The following ANGPTL4 variants were observed in gnomAD, a reference collection of about 807,000 sequenced individuals.
ANGPTL4 encodes angiopoietin like 4, also known as angiopoietin-related protein 4.
Under a neutral mutation model 39.2 loss-of-function variants are expected in ANGPTL4, and 39 were observed. The ratio of observed to expected loss-of-function variants is 1.00; its 90% CI spans 0.77 to 1.30. ANGPTL4 has a LOEUF of 1.30. Ranked by LOEUF, ANGPTL4 falls within the 50% of genes most tolerant of loss-of-function variation. The probability of loss-of-function intolerance (pLI) is 0.00; values close to 1 mark genes in which losing one functional copy is unlikely to be tolerated. For synonymous variants in ANGPTL4, 233 were observed against 229.5 expected (o/e 1.02, Z -0.14); for missense variants, 545 against 549.8 (o/e 0.99, Z 0.09).
intron 3 of ANGPTL4, among the ~76,000 whole-genome samples, chr19:8,368,718 C>T (rs116808569): frequency 1.3e-5 from 2 of 152,154 alleles, no homozygotes; most frequent in African/African-American, 2.4e-5. Flanking sequence ...ACTAGTCGGG[C>T]GTGGTGGCAC....
At chr19:8,372,867 G>GA (rs1971151386) in intron 6 of ANGPTL4, among the ~76,000 whole-genome samples, 1 of 152,108 alleles carries the variant, frequency 6.6e-6, no homozygotes, top group Non-Finnish European at 1.5e-5. Context: ...CCAGGTACAA[G>GA]AATCACTTGA....
rs1280190987 is a variant in ANGPTL4, at chr19:8,371,233, C to G, written c.758-8C>G. ...CCCTGCCTCATGGAGTGGCCTCTCC[C>G]ACTCCAGGCGAGTTCTGGCTGGGTC... is the stretch of plus-strand genomic sequence containing the variant. On this transcript the variant is annotated splice_region_variant and splice_polypyrimidine_tract_variant and intron_variant, in intron 5 of 6. Transcript: ENST00000301455. This position sits in a 1 kb window ranked among gnomAD's most constrained non-coding sequence, Gnocchi z 5.1. 6.2e-6 allele frequency: 10 copies of G among 1,613,978 alleles called. No individual in the cohort carries two copies. The highest frequency in any genetic ancestry group is 1.7e-5 in the Admixed American group (1 of 59,998).
At position 8,371,305 on chromosome 19, in the gene ANGPTL4, C is replaced by A. The variant is rs138211096; in HGVS notation, c.822C>A (p.Ala274=). Reference sequence around the variant, plus strand: ...CGGGGGACCGCAACAGCCGCCTGGCCGTGCAGCTGCGGGACTGGGATGGCA... The same window carrying A: ...CGGGGGACCGCAACAGCCGCCTGGCAGTGCAGCTGCGGGACTGGGATGGCA... ...SITGDRNSRL[A]VQLRDWDGNA... Residue 274 remains alanine, a synonymous_variant, in exon 6 of 7, where the codon GCC becomes GCA. Transcript: ENST00000301455. This position sits in a 1 kb window ranked among gnomAD's most constrained non-coding sequence, Gnocchi z 5.1. 1.2e-6 allele frequency: 2 copies of A among 1,613,892 alleles called. No homozygotes were observed. The highest frequency in any genetic ancestry group is 1.7e-6 in the Non-Finnish European group (2 of 1,180,032).
Position 8,369,253 on chromosome 19 carries a change from T to C in ANGPTL4, c.582T>C (p.Val194=), listed in dbSNP as rs1412403508. The change falls in exon 4 of 7, where the codon GTT becomes GTC. Residue 194 remains valine, a synonymous_variant. Transcript: ENST00000301455. ...GGGATTGCCAGGAGCTGTTCCAGGT[T>C]GGGGAGAGGCAGAGTGGACTATTTG... The part of the protein sequence containing the change: ...LPRDCQELFQ[V]GERQSGLFEI... 1.9e-6 allele frequency: 3 copies of C among 1,612,052 alleles called. No homozygotes were observed. The highest frequency in any genetic ancestry group is 1.7e-6 in the Non-Finnish European group (2 of 1,179,824).
At position 8,374,262 on chromosome 19, in the gene ANGPTL4, C is replaced by T. The variant is rs1336918775; in HGVS notation, c.*376C>T. ...AGGGCTTGTGTGGGTCGAGAGCGCCCTCATGGTGCTGGTGCTGTTGTGTGT... is the reference window on the plus strand; with the variant it reads ...AGGGCTTGTGTGGGTCGAGAGCGCCTTCATGGTGCTGGTGCTGTTGTGTGT... On this transcript the variant is annotated 3_prime_UTR_variant, in exon 7 of 7. Transcript: ENST00000301455. The T allele has an allele frequency of 3.4e-6, 1 of 297,358 alleles. No homozygotes were observed. Among genetic ancestry groups the T allele is most frequent in the Non-Finnish European group, 6.6e-6 (1 of 152,422 alleles). 18.4% of individuals were successfully genotyped at this position (297,358 alleles called of 1,614,324 possible). A position where few individuals can be genotyped will look rare whatever the true frequency, so the allele number is the denominator to read the frequency against.
At position 8,364,271 on chromosome 19, in the gene ANGPTL4, C is replaced by A; in HGVS notation, c.-51C>A. The A allele has an allele frequency of 6.6e-7, 1 of 1,512,000 alleles. No homozygotes were observed. Among genetic ancestry groups the A allele is most frequent in the Middle Eastern group, 2.3e-4 (1 of 4,264 alleles). The allele number at this position is 1,512,000 out of a possible 1,614,324, so 93.7% of individuals were successfully genotyped here. ...CGTCTCCAGTCCTCGCACCTGGAAC[C>A]CCAACGTCCCCGAGAGTCCCCGAAT... On this transcript the variant is annotated 5_prime_UTR_variant, in exon 1 of 7. Coordinates refer to ENST00000301455, the MANE Select transcript of ANGPTL4 (RefSeq NM_139314.3).
Position 8,364,424 on chromosome 19 carries a change from T to A in ANGPTL4, c.103T>A (p.Phe35Ile), listed in dbSNP as rs1970953946. Residue 35 changes from phenylalanine to isoleucine, a missense_variant, in exon 1 of 7, where the codon TTT becomes ATT. Physicochemically the swap from Phe to Ile is conservative, Grantham distance 21. Coordinates refer to ENST00000301455, the MANE Select transcript of ANGPTL4 (RefSeq NM_139314.3). ...ACCCGTGCAGTCCAAGTCGCCGCGC[T>A]TTGCGTCCTGGGACGAGATGAATGT... The part of the protein sequence containing the change: ...GGPVQSKSPR[F>I]ASWDEMNVLA... The A allele has an allele frequency of 6.4e-7, 1 of 1,550,772 alleles. No homozygotes were observed. Among genetic ancestry groups the A allele is most frequent in the East Asian group, 2.4e-5 (1 of 41,710 alleles).
chr19:8,364,724 G>A, intron 1 of ANGPTL4, 85 bp downstream of exon 1: 2 of 1,498,226 alleles, frequency 1.3e-6, no homozygotes, highest in Non-Finnish European at 9.1e-7. Flanking sequence ...GCGTGGGGGC[G>A]GGGTGCGCAA....
rs1210427599 is a variant in ANGPTL4 at position 8,369,209 on chromosome 19, C to T, written c.548-10C>T. 1.9e-6 allele frequency: 3 copies of T among 1,605,918 alleles called. No homozygotes were observed. The South Asian group carries it at 3.4e-5, about 18-fold the overall frequency. ...CTCCTGTTTCAAGTCTCCACTTTATCTCCCTTCAGGGCTGCCCAGGGATTG... is the reference window on the plus strand; with the variant it reads ...CTCCTGTTTCAAGTCTCCACTTTATTTCCCTTCAGGGCTGCCCAGGGATTG... On this transcript the variant is annotated splice_polypyrimidine_tract_variant and intron_variant, in intron 3 of 6. Transcript: ENST00000301455.
At position 8,374,039 on chromosome 19, in the gene ANGPTL4, C is replaced by G; in HGVS notation, c.*153C>G. The G allele has an allele frequency of 2.5e-6, 2 of 795,700 alleles. No individual in the cohort carries two copies. Among genetic ancestry groups the G allele is most frequent in the Non-Finnish European group, 2.0e-6 (1 of 494,882 alleles). 49.3% of individuals were successfully genotyped at this position (795,700 alleles called of 1,614,324 possible). ...AGAAGACCACGACTGGAGAAGCCCCCTTTCTGAGTGCAGGGGGGCTGCATG... is the reference window on the plus strand; with the variant it reads ...AGAAGACCACGACTGGAGAAGCCCCGTTTCTGAGTGCAGGGGGGCTGCATG... On this transcript the variant is annotated 3_prime_UTR_variant, in exon 7 of 7. Transcript: ENST00000301455.
Position 8,374,098 on chromosome 19 carries a change from C to G in ANGPTL4, c.*212C>G, listed in dbSNP as rs1188179436. 1.7e-6 allele frequency: 1 copy of G among 590,476 alleles called. No homozygotes were observed. Among genetic ancestry groups the G allele is most frequent in the African/African-American group, 1.9e-5 (1 of 53,530 alleles). The allele number at this position is 590,476 out of a possible 1,614,324, so 36.6% of individuals were successfully genotyped here. On this transcript the variant is annotated 3_prime_UTR_variant, in exon 7 of 7. Transcript: ENST00000301455. ...CCTGAGATCGAGGCTGCAGGATATG[C>G]TCAGACTCTAGAGGCGTGGACCAAG...
chr19:8,369,411 CA>C, intron 4 of ANGPTL4, 79 bp downstream of exon 4: 1 of 1,061,424 alleles, frequency 9.4e-7, no homozygotes, highest in Non-Finnish European at 1.4e-6. Context: ...CAAAACAAAA[CA>C]AAAAAATTAA....
intron 3 of ANGPTL4, among the ~76,000 whole-genome samples, chr19:8,366,995 G>A (rs1188340048): frequency 1.3e-5 from 2 of 151,208 alleles, no homozygotes; most frequent in African/African-American, 2.4e-5. Context: ...ACGTGTGTCC[G>A]ATGCAGACTC....
chr19:8,368,017 ATCAAG>A, intron 3 of ANGPTL4, among the ~76,000 whole-genome samples: 1 of 96,912 alleles, frequency 1.0e-5, no homozygotes, highest in Non-Finnish European at 2.1e-5. Context: ...TTATTCATTT[ATCAAG>A]TCTTTTTTTT....
chr19:8,365,116 C>A (rs1236563079), intron 1 of ANGPTL4, among the ~76,000 whole-genome samples: 1 of 150,766 alleles, frequency 6.6e-6, no homozygotes, highest in Non-Finnish European at 1.5e-5. Context: ...TTGCAGTGAG[C>A]CGAGATCGCA....
chr19:8,369,654 A>G lies in ANGPTL4; in HGVS notation c.661+322A>G, dbSNP rs553574877. Among the ~76,000 whole-genome samples the G allele has an allele frequency of 8.7e-4, 132 of 151,916 alleles. 2 individuals are homozygous for G. In the South Asian group the frequency reaches 0.027, roughly 31 times the overall value. On this transcript the variant is annotated intron_variant, in intron 4 of 6. Coordinates refer to ENST00000301455, the MANE Select transcript of ANGPTL4 (RefSeq NM_139314.3). ...TTTTTAGTAGAGACTGGGTTTCACCATGTTGGTCTGGCTGGTCTCAAACTC... is the reference window on the plus strand; with the variant it reads ...TTTTTAGTAGAGACTGGGTTTCACCGTGTTGGTCTGGCTGGTCTCAAACTC...
At chr19:8,365,830 GAAAA>G in intron 1 of ANGPTL4, 120 bp from the exon 2 acceptor site, 1 of 787,776 alleles carries the variant, frequency 1.3e-6, no homozygotes, top group Non-Finnish European at 2.2e-6. Flanking sequence ...GGAAAAAAAA[GAAAA>G]AAGAAAGACT....
At chr19:8,370,466 A>G (rs973030326) in intron 4 of ANGPTL4, among the ~76,000 whole-genome samples, 2 of 152,024 alleles carry the variant, frequency 1.3e-5, no homozygotes, top group African/African-American at 4.8e-5. Flanking sequence ...AAATGCCAGC[A>G]CTTTGGGAGG....
In ANGPTL4 at chr19:8,371,748, T is replaced by A. The variant is rs573715358; in HGVS notation, c.1039+226T>A. On this transcript the variant is annotated intron_variant, in intron 6 of 6. Transcript: ENST00000301455. This position sits in a 1 kb window ranked among gnomAD's most constrained non-coding sequence, Gnocchi z 5.1. ...TTTTATTTACTTATGTGTTTGTTTA[T>A]TTATTTATTTATGTATTTATTTTTT... 7.0e-6 allele frequency among the ~76,000 whole-genome samples: 1 copy of A among 143,866 alleles called. No individual in the cohort carries two copies. Among genetic ancestry groups the A allele is most frequent in the African/African-American group, 2.6e-5 (1 of 38,398 alleles). The allele number at this position is 143,866 out of a possible 152,430, so 94.4% of individuals were successfully genotyped here.
Sources: allele counts gnomAD v4.1 joint callset (sites outside exome capture counted in the v4.1 genomes callset), GRCh38; gene constraint gnomAD v4.1.1; non-coding constraint Gnocchi (gnomAD v3.1); transcripts MANE v1.5; gene names NCBI Gene and HGNC (gene_info 2026-07-23, HGNC 2026-07-21).